The following SYT6 variants were observed in gnomAD, a reference collection of about 807,000 sequenced individuals.
SYT6 encodes synaptotagmin-6.
SYT6 carries 24 observed loss-of-function variants against 38.4 expected under a neutral mutation model. That is an observed-to-expected ratio of 0.62 (90% confidence interval 0.45 to 0.88). The LOEUF is 0.88. Ranked by LOEUF, SYT6 falls within the 40% of genes least tolerant of loss-of-function variation. SYT6 has a pLI of 0.00. For missense variants in SYT6, 611 were observed against 621.0 expected (o/e 0.98, Z 0.17); for synonymous variants, 265 against 241.9 (o/e 1.10, Z -0.89).
At chr1:114,127,828 G>T (rs1677834045) in intron 3 of SYT6, among the ~76,000 whole-genome samples, 3 of 152,226 alleles carry the variant, frequency 2.0e-5, no homozygotes, top group Admixed American at 2.0e-4. Flanking sequence ...AAGGGAGGGG[G>T]TGCCAGAGAA....
In SYT6 at chr1:114,124,919, C is replaced by T. The variant is rs766799923; in HGVS notation, c.1071+12576G>A. 3.9e-5 allele frequency among the ~76,000 whole-genome samples: 6 copies of T among 152,330 alleles called. No homozygotes were observed. In the South Asian group the frequency reaches 1.0e-3, roughly 26 times the overall value. On this transcript the variant is annotated intron_variant, in intron 3 of 7. Coordinates refer to ENST00000610222, the MANE Select transcript of SYT6 (RefSeq NM_001253772.2). ...CTGGAAACTGGGGATAACACCAGTACCTACCCTGCAAGGCAGGGGTGAGGA... is the reference window on the plus strand; with the variant it reads ...CTGGAAACTGGGGATAACACCAGTATCTACCCTGCAAGGCAGGGGTGAGGA...
chr1:114,099,945 G>A lies in SYT6; in HGVS notation c.1193-680C>T, dbSNP rs528557284. Among the ~76,000 whole-genome samples the A allele has an allele frequency of 1.9e-3, 289 of 152,228 alleles. 1 individual carries two copies. The highest frequency in any genetic ancestry group is 3.9e-3 in the Admixed American group (59 of 15,294). On this transcript the variant is annotated intron_variant, in intron 4 of 7. Transcript: ENST00000610222. ...CATTTCCTGCCCACTTCTGGACAGT[G>A]GAGAATGAGGGAGCTGTGGCCCGGG... is the stretch of plus-strand genomic sequence containing the variant.
intron 6 of SYT6, among the ~76,000 whole-genome samples, chr1:114,096,020 C>A (rs1224428730): frequency 3.3e-5 from 5 of 152,110 alleles, no homozygotes; most frequent in Non-Finnish European, 5.9e-5. Context: ...TCATTCCATG[C>A]CCTCCCCCTA....
At chr1:114,129,468 C>T (rs532315867) in intron 3 of SYT6, among the ~76,000 whole-genome samples, 58 of 152,284 alleles carry the variant, frequency 3.8e-4, no homozygotes, top group African/African-American at 1.4e-3. Flanking sequence ...TTCCCCTCCC[C>T]AGCCCTGTTT....
chr1:114,098,145 C>T lies in SYT6; in HGVS notation c.1365-268G>A, dbSNP rs2774286. Among the ~76,000 whole-genome samples, 16 of 152,100 alleles carry T rather than the reference C, an allele frequency of 1.1e-4. No homozygotes were observed. The East Asian group carries it at 2.9e-3, about 28-fold the overall frequency. ...GTGGTGGGCAGATAGCCTGAGTATG[C>T]GAGGTGAGACAGTCTAAGTCTCTTC... On this transcript the variant is annotated intron_variant, in intron 5 of 7. Transcript: ENST00000610222.
At chr1:114,099,032 CTG>C in intron 5 of SYT6, 60 bp downstream of exon 5, 1 of 1,526,078 alleles carries the variant, frequency 6.6e-7, no homozygotes, top group South Asian at 1.3e-5. Context: ...TCAAGGAGCC[CTG>C]TGCTGGTGCT....
chr1:114,097,842 A>T lies in SYT6; in HGVS notation c.1400T>A (p.Val467Glu), dbSNP rs1281755576. Reference protein sequence around the residue: ...GHNEIIGVCRVGITAEGLGRD... With the variant: ...GHNEIIGVCREGITAEGLGRD... ...GCCCAGGCCTTCAGCAGTGATCCCCACACGACAGACTCCTATGATCTCATT... is the reference window on the plus strand; with the variant it reads ...GCCCAGGCCTTCAGCAGTGATCCCCTCACGACAGACTCCTATGATCTCATT... The change falls in exon 6 of 8, where the codon GTG becomes GAG. Residue 467 changes from valine (V) to glutamate (E), a missense_variant. Val to Glu is a moderately radical substitution (Grantham distance 121). Coordinates refer to ENST00000610222, the MANE Select transcript of SYT6 (RefSeq NM_001253772.2). 1 of 1,614,082 alleles carries T rather than the reference A, an allele frequency of 6.2e-7. No homozygotes were observed. Among genetic ancestry groups the T allele is most frequent in the Non-Finnish European group, 8.5e-7 (1 of 1,180,052 alleles).
At chr1:114,111,414 G>A (rs201060199) in intron 3 of SYT6, among the ~76,000 whole-genome samples, 1 of 152,290 alleles carries the variant, frequency 6.6e-6, no homozygotes, top group Non-Finnish European at 1.5e-5. Flanking sequence ...GGATGTGGAC[G>A]GAAGCTTGAG....
chr1:114,144,036 G>T (rs1032990829), intron 1 of SYT6, among the ~76,000 whole-genome samples: 2 of 152,196 alleles, frequency 1.3e-5, no homozygotes, highest in Non-Finnish European at 2.9e-5. Flanking sequence ...TTGCAAAAAG[G>T]TTACTGTGGA....
At chr1:114,093,672 G>T in intron 7 of SYT6, 63 bp downstream of exon 7, 1 of 1,496,658 alleles carries the variant, frequency 6.7e-7, no homozygotes, top group Non-Finnish European at 9.2e-7. Context: ...GCCACACTAG[G>T]GGAAGAAGGA....
chr1:114,137,921 C>T lies in SYT6; in HGVS notation c.645G>A (p.Lys215=), dbSNP rs768940253. The T allele has an allele frequency of 6.2e-7, 1 of 1,614,056 alleles. No homozygotes were observed. Among genetic ancestry groups the T allele is most frequent in the Admixed American group, 1.7e-5 (1 of 60,008 alleles). Residue 215 remains lysine (K), a synonymous_variant, in exon 3 of 8, where the codon AAG becomes AAA. Transcript: ENST00000610222. ...ACTTGGCATCCTCCCCATCCACCGA[C>T]TTCTGCTTGTAGAGCTCAGGCTTGA... ...GRIKPELYKQ[K]SVDGEDAKSE...
chr1:114,115,251 T>G (rs2101022593), intron 3 of SYT6, among the ~76,000 whole-genome samples: 1 of 152,308 alleles, frequency 6.6e-6, no homozygotes, highest in African/African-American at 2.4e-5. Flanking sequence ...CCATTGCTTT[T>G]GTCTAGTTGG....
At chr1:114,120,195 G>C (rs1677306295) in intron 3 of SYT6, among the ~76,000 whole-genome samples, 1 of 152,138 alleles carries the variant, frequency 6.6e-6, no homozygotes, top group African/African-American at 2.4e-5. Context: ...GTGTTGATGA[G>C]GTCTCAGAAT....
intron 1 of SYT6, among the ~76,000 whole-genome samples, chr1:114,144,192 G>A (rs537680142): frequency 2.6e-5 from 4 of 152,282 alleles, no homozygotes; most frequent in Admixed American, 2.6e-4. Flanking sequence ...GGTGGGAACT[G>A]GTGACTCTCT....
At chr1:114,151,513 C>T (rs1166760015) in intron 1 of SYT6, among the ~76,000 whole-genome samples, 4 of 152,172 alleles carry the variant, frequency 2.6e-5, no homozygotes, top group African/African-American at 9.7e-5. Context: ...TGTGCCTCCC[C>T]CTACCAAGAT....
At chr1:114,106,774 C>T (rs1406701260) in intron 3 of SYT6, among the ~76,000 whole-genome samples, 1 of 152,130 alleles carries the variant, frequency 6.6e-6, no homozygotes, top group Non-Finnish European at 1.5e-5. Flanking sequence ...TCCCGAACAC[C>T]CCTGCAGGGC....
At chr1:114,144,729 C>T (rs1679067475) in intron 1 of SYT6, among the ~76,000 whole-genome samples, 1 of 152,138 alleles carries the variant, frequency 6.6e-6, no homozygotes, top group South Asian at 2.1e-4. Context: ...TAAGGGGATC[C>T]AGGTACTCCC....
intron 3 of SYT6, among the ~76,000 whole-genome samples, chr1:114,107,140 C>T (rs1388519531): frequency 1.3e-5 from 2 of 152,178 alleles, no homozygotes; most frequent in Non-Finnish European, 2.9e-5. Context: ...GTTGCCTGCG[C>T]TTTCACAGGC....
At chr1:114,122,854 C>A (rs902201334) in intron 3 of SYT6, among the ~76,000 whole-genome samples, 3 of 143,452 alleles carry the variant, frequency 2.1e-5, no homozygotes. Context: ...CCCAGCAGCA[C>A]CAAGAAAGGT....
Sources: gnomAD v4.1 joint callset for allele counts (sites outside exome capture counted in the v4.1 genomes callset) on GRCh38, gnomAD v4.1.1 for gene constraint, MANE v1.5 for transcripts, NCBI Gene and HGNC (gene_info 2026-07-23, HGNC 2026-07-21) for gene names.